Variants in FGD4 observed in about 807,000 individuals in gnomAD.
FGD4 encodes FYVE, RhoGEF and PH domain-containing protein 4.
In FGD4, 42 loss-of-function variants were observed where a neutral mutation model predicts 102.0. The observed-to-expected ratio is 0.41, with a 90% CI of 0.32 to 0.53. The LOEUF (loss-of-function observed/expected upper bound fraction) is 0.53, where lower values mean the gene tolerates loss of function less well. FGD4 is among the 20% of genes least tolerant of loss of function. The pLI is 0.21. For synonymous variants in FGD4, 380 were observed against 375.7 expected (o/e 1.01, Z -0.13); for missense variants, 902 against 1,078.2 (o/e 0.84, Z 2.29).
intron 1 of FGD4, among the ~76,000 whole-genome samples, chr12:32,550,105 C>G (rs181881318): frequency 6.6e-6 from 1 of 152,210 alleles, no homozygotes; most frequent in Admixed American, 6.5e-5. Flanking sequence ...TTCCCATTAG[C>G]CATGAGTTAC....
intron 1 of FGD4, among the ~76,000 whole-genome samples, chr12:32,425,311 C>T (rs750380472): frequency 6.6e-6 from 1 of 152,014 alleles, no homozygotes; most frequent in Non-Finnish European, 1.5e-5. Context: ...TTTCCCAACA[C>T]CCATTTATTA....
At chr12:32,527,960 TTTTC>T (rs1298873273) in intron 1 of FGD4, among the ~76,000 whole-genome samples, 4 of 143,564 alleles carry the variant, frequency 2.8e-5, no homozygotes, top group African/African-American at 1.2e-4. Context: ...CCTTTTTCTT[TTTTC>T]TTTTTCTTTT....
chr12:32,577,873 T>G (rs1042803895), intron 3 of FGD4, among the ~76,000 whole-genome samples: 47 of 152,190 alleles, frequency 3.1e-4, no homozygotes, highest in African/African-American at 1.0e-3. Flanking sequence ...CTGATCCCTG[T>G]CATAAGGCAT....
At chr12:32,533,138 C>T (rs949585296) in intron 1 of FGD4, among the ~76,000 whole-genome samples, 5 of 152,150 alleles carry the variant, frequency 3.3e-5, no homozygotes, top group African/African-American at 4.8e-5. Context: ...AAGTGTGATT[C>T]CTGGAGTGAA....
At chr12:32,481,205 G>A (rs1029200051) in intron 1 of FGD4, among the ~76,000 whole-genome samples, 3 of 147,048 alleles carry the variant, frequency 2.0e-5, no homozygotes, top group Admixed American at 6.9e-5. Context: ...TTGGGAGGCC[G>A]ATGCGGTTGG....
chr12:32,499,845 G>A (rs1432645656), intron 1 of FGD4, among the ~76,000 whole-genome samples: 1 of 152,112 alleles, frequency 6.6e-6, no homozygotes, highest in Non-Finnish European at 1.5e-5. Flanking sequence ...GCGAAACTCC[G>A]TCTGTACTAA....
chr12:32,579,042 T>TG (rs1813032664), intron 3 of FGD4, among the ~76,000 whole-genome samples: 1 of 135,998 alleles, frequency 7.4e-6, no homozygotes, highest in Admixed American at 7.5e-5. Flanking sequence ...ATTAGTGGTT[T>TG]TTTTTTTTTT....
In FGD4 at chr12:32,640,373, CTA is replaced by C; in HGVS notation, c.2553_2554del (p.Lys852ValfsTer10). 1 of 1,614,194 alleles carries C rather than the reference CTA, an allele frequency of 6.2e-7. No individual in the cohort carries two copies. Among genetic ancestry groups the C allele is most frequent in the Non-Finnish European group, 8.5e-7 (1 of 1,180,044 alleles). On this transcript the variant is annotated frameshift_variant, in exon 17 of 17. Coordinates refer to ENST00000534526, the MANE Select transcript of FGD4 (RefSeq NM_001370298.3). LOFTEE classifies it high-confidence loss of function. Reference sequence around the variant, plus strand: ...CCACACAGTTTCAAACTGACCCAGTCTAAGTCCGTGCACAGCTTTGCTGCAGA... The same window carrying C: ...CCACACAGTTTCAAACTGACCCAGTCAGTCCGTGCACAGCTTTGCTGCAGA...
At chr12:32,440,453 A>G (rs1942392916) in intron 1 of FGD4, among the ~76,000 whole-genome samples, 2 of 152,188 alleles carry the variant, frequency 1.3e-5, no homozygotes, top group South Asian at 4.1e-4. Flanking sequence ...AATTATCTGG[A>G]TCACCGGGCA....
At chr12:32,525,961 TC>T (rs1357058359) in intron 1 of FGD4, among the ~76,000 whole-genome samples, 1 of 152,160 alleles carries the variant, frequency 6.6e-6, no homozygotes, top group African/African-American at 2.4e-5. Flanking sequence ...TCCCACCCAC[TC>T]CATGGGCTCC....
At chr12:32,580,768 T>A (rs956821803) in intron 3 of FGD4, among the ~76,000 whole-genome samples, 10 of 151,766 alleles carry the variant, frequency 6.6e-5, no homozygotes, top group Non-Finnish European at 1.3e-4. Context: ...GCGCCTGTAG[T>A]CCCAGCTACT....
chr12:32,616,955 T>TGTG (rs1949489941), intron 10 of FGD4, among the ~76,000 whole-genome samples: 2 of 151,960 alleles, frequency 1.3e-5, no homozygotes, highest in Admixed American at 1.3e-4. Flanking sequence ...TACTGCATCA[T>TGTG]AACATGCAGA....
At chr12:32,403,433 C>T (rs1323822833) in intron 1 of FGD4, among the ~76,000 whole-genome samples, 11 of 152,066 alleles carry the variant, frequency 7.2e-5, no homozygotes, top group Admixed American at 7.2e-4. Context: ...TTCATCTGGA[C>T]AACAGAGATA....
chr12:32,564,384 C>G, intron 2 of FGD4, 95 bp downstream of exon 2: 1 of 1,427,742 alleles, frequency 7.0e-7, no homozygotes, highest in Non-Finnish European at 9.3e-7. Context: ...GTGTTTTAAG[C>G]TAGAAGGAAG....
intron 1 of FGD4, among the ~76,000 whole-genome samples, chr12:32,402,117 ATTTTTTTT>A (rs56852726): frequency 0.4 from 41,949 of 104,876 alleles, 7,899 homozygotes; most frequent in African/African-American, 0.47. Flanking sequence ...TTGGCCAGGC[ATTTTTTTT>A]TTTTTTTTTT....
intron 1 of FGD4, among the ~76,000 whole-genome samples, chr12:32,542,422 C>T (rs752449882): frequency 6.6e-6 from 1 of 152,162 alleles, no homozygotes; most frequent in African/African-American, 2.4e-5. Context: ...CATTTGTTCA[C>T]CCTTGGTTAC....
intron 1 of FGD4, among the ~76,000 whole-genome samples, chr12:32,552,170 T>G (rs1349272964): frequency 6.6e-6 from 1 of 152,218 alleles, no homozygotes; most frequent in Non-Finnish European, 1.5e-5. Context: ...GTGGTTTCTC[T>G]TTACTCCCAC....
At position 32,644,752 on chromosome 12, in the gene FGD4, G is replaced by A. The variant is rs577291008; in HGVS notation, c.*4219G>A. ...TATAAAATCTATGTAATTACATGCT[G>A]ATGGGATCCATTGCACCCAGGTTTT... On this transcript the variant is annotated 3_prime_UTR_variant, in exon 17 of 17. Transcript: ENST00000534526. 8.4e-4 allele frequency: 128 copies of A among 152,264 alleles called. No individual in the cohort carries two copies. Among genetic ancestry groups the A allele is most frequent in the African/African-American group, 2.9e-3 (121 of 41,568 alleles). 9.4% of individuals were successfully genotyped at this position (152,264 alleles called of 1,614,324 possible).
chr12:32,632,863 C>A (rs1172634789), intron 14 of FGD4, among the ~76,000 whole-genome samples: 2 of 151,688 alleles, frequency 1.3e-5, no homozygotes, highest in East Asian at 3.9e-4. Context: ...CCACCACACC[C>A]AGTCAGATTA....
Sources: gnomAD v4.1 joint callset for allele counts (sites outside exome capture counted in the v4.1 genomes callset) on GRCh38, gnomAD v4.1.1 for gene constraint, MANE v1.5 for transcripts, NCBI Gene and HGNC (gene_info 2026-07-23, HGNC 2026-07-21) for gene names.